GPCPD1: variants seen among roughly 807,000 people sequenced by gnomAD.
GPCPD1 encodes the protein glycerophosphocholine phosphodiesterase GPCPD1.
In GPCPD1, 29 loss-of-function variants were observed where a neutral mutation model predicts 89.2. The observed-to-expected ratio is 0.33, with a 90% CI of 0.24 to 0.44. GPCPD1 has a LOEUF of 0.44. Ranked by LOEUF, GPCPD1 falls within the 20% of genes least tolerant of loss-of-function variation. The probability of loss-of-function intolerance (pLI) is 1.00; values close to 1 mark genes in which losing one functional copy is unlikely to be tolerated. For missense variants in GPCPD1, 594 were observed against 808.9 expected, an observed-to-expected ratio of 0.73 and a Z score of 3.22; for synonymous variants, 258 against 266.3, an observed-to-expected ratio of 0.97 and a Z score of 0.30.
intron 9 of GPCPD1, 73 bp downstream of exon 9, chr20:5,575,743 T>C: frequency 9.7e-7 from 1 of 1,026,378 alleles, no homozygotes; most frequent in Non-Finnish European, 1.5e-6. Context: ...TTTATCATTA[T>C]CAAATACTTA....
At chr20:5,605,155 A>G (rs1203859224) in intron 1 of GPCPD1, among the ~76,000 whole-genome samples, 2 of 152,348 alleles carry the variant, frequency 1.3e-5, no homozygotes, top group East Asian at 3.9e-4. Flanking sequence ...AAAAGAAAAC[A>G]AAACAAGACA....
chr20:5,574,476 T>G (rs1211039188), intron 10 of GPCPD1, among the ~76,000 whole-genome samples: 1 of 152,216 alleles, frequency 6.6e-6, no homozygotes, highest in African/African-American at 2.4e-5. Context: ...GGCTCACGCC[T>G]GTAACCCCAG....
At chr20:5,591,859 C>T (rs1200373848) in intron 4 of GPCPD1, among the ~76,000 whole-genome samples, 2 of 152,166 alleles carry the variant, frequency 1.3e-5, no homozygotes, top group Admixed American at 6.5e-5. Context: ...CTGCATCACA[C>T]GGTACATGTG....
At chr20:5,596,533 T>C (rs1979743244) in intron 3 of GPCPD1, among the ~76,000 whole-genome samples, 1 of 152,132 alleles carries the variant, frequency 6.6e-6, no homozygotes, top group South Asian at 2.1e-4. Flanking sequence ...CTTATATCCT[T>C]TCCCAAAATA....
chr20:5,608,237 C>T (rs568651151), intron 1 of GPCPD1, among the ~76,000 whole-genome samples: 1 of 152,160 alleles, frequency 6.6e-6, no homozygotes, highest in Non-Finnish European at 1.5e-5. Flanking sequence ...AGAGTGACTA[C>T]AGTAACTTAG....
intron 1 of GPCPD1, among the ~76,000 whole-genome samples, chr20:5,605,522 T>C (rs1333958273): frequency 6.6e-6 from 1 of 152,160 alleles, no homozygotes; most frequent in African/African-American, 2.4e-5. Flanking sequence ...CTCACACCTG[T>C]AATCCCAGCA....
chr20:5,575,112 G>C (rs1253138829), intron 10 of GPCPD1, among the ~76,000 whole-genome samples: 1 of 152,102 alleles, frequency 6.6e-6, no homozygotes. Context: ...ACTCAGAGAG[G>C]GCAACACGTC....
In GPCPD1 at chr20:5,549,499, ATTC is replaced by A. The variant is rs1985242652; in HGVS notation, c.1830-1652_1830-1650del. On this transcript the variant is annotated intron_variant, in intron 19 of 19. Transcript: ENST00000379019. ...TTGTTTAAGAAGACACCTTCTGAGT[ATTC>A]TTCTGAGTATTCTCATAAGAGACCA... 10 of 1,157,696 alleles carry A rather than the reference ATTC, an allele frequency of 8.6e-6. No individual in the cohort carries two copies. In the South Asian group the frequency reaches 1.1e-4, roughly 13 times the overall value. 71.7% of individuals were successfully genotyped at this position (1,157,696 alleles called of 1,614,324 possible).
intron 16 of GPCPD1, among the ~76,000 whole-genome samples, chr20:5,560,596 G>A (rs1202591193): frequency 2.0e-5 from 3 of 152,140 alleles, no homozygotes; most frequent in Admixed American, 6.5e-5. Context: ...AATGTTAAAT[G>A]TTTTAAGTAT....
At chr20:5,595,602 C>CT (rs1979659105) in intron 3 of GPCPD1, among the ~76,000 whole-genome samples, 1 of 152,130 alleles carries the variant, frequency 6.6e-6, no homozygotes. Context: ...GATCGCGCCA[C>CT]TGTACTCCAG....
At chr20:5,592,482 CTCTTT>C (rs1278335450) in intron 4 of GPCPD1, among the ~76,000 whole-genome samples, 3 of 152,150 alleles carry the variant, frequency 2.0e-5, no homozygotes, top group African/African-American at 7.2e-5. Context: ...GTCATTTTGT[CTCTTT>C]TCTTTGTATA....
intron 1 of GPCPD1, among the ~76,000 whole-genome samples, chr20:5,610,238 GGCA>G (rs1373183801): frequency 6.6e-6 from 1 of 152,134 alleles, no homozygotes; most frequent in Non-Finnish European, 1.5e-5. Context: ...GGAGAGAAGG[GGCA>G]GCAGACCTAA....
chr20:5,567,176 T>C (rs1986434033), intron 13 of GPCPD1, among the ~76,000 whole-genome samples: 1 of 152,182 alleles, frequency 6.6e-6, no homozygotes, highest in African/African-American at 2.4e-5. Context: ...GAAGAAGGGC[T>C]ACTGCAGAAC....
At position 5,607,200 on chromosome 20, in the gene GPCPD1, T is replaced by A. The variant is rs563271922; in HGVS notation, c.-28-2760A>T. On this transcript the variant is annotated intron_variant, in intron 1 of 19. Transcript: ENST00000379019. Reference sequence around the variant, plus strand: ...TACCCAGGAGGTTGAGGCGGGAGAATCACTTGAACCTGGGAGGCAGAAGTT... The same window carrying A: ...TACCCAGGAGGTTGAGGCGGGAGAAACACTTGAACCTGGGAGGCAGAAGTT... 1.2e-4 allele frequency among the ~76,000 whole-genome samples: 18 copies of A among 152,016 alleles called. No homozygotes were observed. The South Asian group carries it at 3.7e-3, about 32-fold the overall frequency.
chr20:5,594,499 A>G (rs1216231688), intron 3 of GPCPD1, among the ~76,000 whole-genome samples: 1 of 152,006 alleles, frequency 6.6e-6, no homozygotes, highest in Admixed American at 6.6e-5. Context: ...TCACCGCATT[A>G]GCCAGGATGG....
intron 4 of GPCPD1, among the ~76,000 whole-genome samples, chr20:5,591,125 A>G (rs1979301743): frequency 6.6e-6 from 1 of 152,204 alleles, no homozygotes. Flanking sequence ...TTCCAGGAAT[A>G]CTCACTACTT....
chr20:5,575,755 T>C, intron 9 of GPCPD1, 61 bp downstream of exon 9: 1 of 1,133,094 alleles, frequency 8.8e-7, no homozygotes, highest in South Asian at 1.4e-5. Context: ...AAATACTTAA[T>C]TTGAAACTAA....
At chr20:5,560,761 G>A (rs1362101484) in intron 16 of GPCPD1, among the ~76,000 whole-genome samples, 1 of 152,082 alleles carries the variant, frequency 6.6e-6, no homozygotes, top group African/African-American at 2.4e-5. Flanking sequence ...AAATTCAAGG[G>A]TATTGCTCAA....
intron 6 of GPCPD1, among the ~76,000 whole-genome samples, chr20:5,582,098 A>G (rs1978551414): frequency 7.1e-6 from 1 of 140,482 alleles, no homozygotes; most frequent in Non-Finnish European, 1.5e-5. Context: ...AGGCAGGAGA[A>G]TGGCGTGAAC....
Sources: allele counts gnomAD v4.1 joint callset (sites outside exome capture counted in the v4.1 genomes callset), GRCh38; gene constraint gnomAD v4.1.1; transcripts MANE v1.5; gene names NCBI Gene and HGNC (gene_info 2026-07-23, HGNC 2026-07-21).